SUMF1: variants seen among roughly 807,000 people sequenced by gnomAD.
SUMF1 encodes formylglycine-generating enzyme.
A neutral mutation model predicts 47.6 loss-of-function variants in SUMF1; 48 were observed. The observed-to-expected ratio is 1.01, with a 90% CI of 0.80 to 1.28. The LOEUF is 1.28. SUMF1 is among the 50% of genes most tolerant of loss of function. The pLI is 0.00. For missense variants in SUMF1, 571 were observed against 485.4 expected (o/e 1.18, Z -1.66); for synonymous variants, 230 against 192.1 (o/e 1.20, Z -1.63).
intron 8 of SUMF1, among the ~76,000 whole-genome samples, chr3:4,306,183 C>A (rs1411149191): frequency 6.6e-6 from 1 of 152,146 alleles, no homozygotes; most frequent in Non-Finnish European, 1.5e-5. Context: ...AAATCTGTTT[C>A]CAATCTTGAG....
intron 8 of SUMF1, among the ~76,000 whole-genome samples, chr3:4,192,071 T>C (rs1180881560): frequency 1.3e-5 from 2 of 152,068 alleles, no homozygotes; most frequent in East Asian, 1.9e-4. Context: ...GAATGGCATA[T>C]GTGAAAGGCA....
intron 8 of SUMF1, among the ~76,000 whole-genome samples, chr3:4,274,373 A>C (rs745611988): frequency 6.6e-6 from 1 of 152,160 alleles, no homozygotes; most frequent in Non-Finnish European, 1.5e-5. Flanking sequence ...TCTAAGCTCT[A>C]CTGAAAGCAT....
chr3:4,189,709 G>C (rs903351780), intron 8 of SUMF1, among the ~76,000 whole-genome samples: 2 of 31,614 alleles, frequency 6.3e-5, no homozygotes, highest in Non-Finnish European at 1.3e-4. Flanking sequence ...AAAGGAAGGA[G>C]AAGAAAACTA....
downstream of SUMF1, among the ~76,000 whole-genome samples, chr3:4,358,743 C>G (rs1699677451): frequency 6.6e-6 from 1 of 152,150 alleles, no homozygotes; most frequent in Non-Finnish European, 1.5e-5. Context: ...AAAGATGCTG[C>G]AAAGACACTG....
intron 8 of SUMF1, among the ~76,000 whole-genome samples, chr3:4,124,913 T>C (rs1219060877): frequency 2.0e-5 from 3 of 152,070 alleles, no homozygotes; most frequent in Admixed American, 6.5e-5. Flanking sequence ...GTGGTACATA[T>C]AAAAAATGCA....
At chr3:4,057,361 A>G (rs1350538149) in intron 9 of SUMF1, among the ~76,000 whole-genome samples, 6 of 151,500 alleles carry the variant, frequency 4.0e-5, no homozygotes, top group African/African-American at 1.2e-4. Flanking sequence ...TGAGTTGGGG[A>G]TGGGCAGTTT....
chr3:4,328,318 C>T (rs1219858222), intron 8 of SUMF1, among the ~76,000 whole-genome samples: 1 of 152,014 alleles, frequency 6.6e-6, no homozygotes, highest in African/African-American at 2.4e-5. Flanking sequence ...GACTCAGTTT[C>T]CCAAACAATA....
At chr3:4,261,850 G>C (rs1697094051) in intron 8 of SUMF1, among the ~76,000 whole-genome samples, 1 of 152,216 alleles carries the variant, frequency 6.6e-6, no homozygotes, top group African/African-American at 2.4e-5. Flanking sequence ...CTGATGTACG[G>C]AGTCAGGTGG....
In SUMF1 at chr3:4,325,414, G is replaced by A. The variant is rs192861291; in HGVS notation, c.1014+50916C>T. ...AGACCAAAAACAGAAAGAGAAAAGGGACCAAGGACAAATTGTAGCAGCAAA... is the reference window on the plus strand; with the variant it reads ...AGACCAAAAACAGAAAGAGAAAAGGAACCAAGGACAAATTGTAGCAGCAAA... On this transcript the variant is annotated intron_variant and NMD_transcript_variant, in intron 8 of 12. Transcript: ENST00000448413. Among the ~76,000 whole-genome samples the A allele has an allele frequency of 1.3e-4, 20 of 152,042 alleles. No homozygotes were observed. The East Asian group carries it at 3.5e-3, about 26-fold the overall frequency.
intron 8 of SUMF1, among the ~76,000 whole-genome samples, chr3:4,249,599 T>C (rs905592385): frequency 3.3e-5 from 5 of 152,142 alleles, no homozygotes; most frequent in Non-Finnish European, 5.9e-5. Context: ...CATTCCCTTC[T>C]TTACCCTCTC....
At chr3:4,442,075 A>G (rs1193209264) in intron 3 of SUMF1, among the ~76,000 whole-genome samples, 1 of 152,186 alleles carries the variant, frequency 6.6e-6, no homozygotes, top group Non-Finnish European at 1.5e-5. Context: ...GCAACAGGAA[A>G]TCAGACCTGT....
chr3:4,356,503 C>T (rs928189260), downstream of SUMF1, among the ~76,000 whole-genome samples: 1 of 152,108 alleles, frequency 6.6e-6, no homozygotes, highest in Non-Finnish European at 1.5e-5. Flanking sequence ...AAGCCACGAC[C>T]CTTTCTTACA....
intron 8 of SUMF1, among the ~76,000 whole-genome samples, chr3:4,203,760 G>GT (rs953974057): frequency 2.5e-4 from 37 of 150,722 alleles, no homozygotes; most frequent in Non-Finnish European, 3.6e-4. Flanking sequence ...TCTGTTGTAG[G>GT]TTTTTTTTAT....
At chr3:4,169,998 G>A (rs1345701812) in intron 8 of SUMF1, among the ~76,000 whole-genome samples, 1 of 152,156 alleles carries the variant, frequency 6.6e-6, no homozygotes, top group African/African-American at 2.4e-5. Flanking sequence ...CAAATGCCAA[G>A]CATTTAGATG....
At position 4,080,329 on chromosome 3, in the gene SUMF1, T is replaced by C. The variant is rs976177871; in HGVS notation, c.1015-11584A>G. Among the ~76,000 whole-genome samples, 15 of 152,168 alleles carry C rather than the reference T, an allele frequency of 9.9e-5. No homozygotes were observed. In the South Asian group the frequency reaches 2.9e-3, roughly 29 times the overall value. On this transcript the variant is annotated intron_variant and NMD_transcript_variant, in intron 8 of 12. Transcript: ENST00000448413. ...GGGTCTAATGGGCTATGACCCACAA[T>C]GGTCATATCAGCGGCATTCCACTTC...
At chr3:4,372,382 T>C (rs902942606) in intron 8 of SUMF1, among the ~76,000 whole-genome samples, 12 of 152,222 alleles carry the variant, frequency 7.9e-5, no homozygotes, top group Non-Finnish European at 1.3e-4. Flanking sequence ...AAGAAAATTT[T>C]TTAAAAAATG....
chr3:4,178,813 T>G lies in SUMF1; in HGVS notation c.1015-110068A>C, dbSNP rs529984630. 4.2e-3 allele frequency among the ~76,000 whole-genome samples: 640 copies of G among 152,244 alleles called. 6 individuals are homozygous for G. Among genetic ancestry groups the G allele is most frequent in the African/African-American group, 0.015 (607 of 41,540 alleles). On this transcript the variant is annotated intron_variant and NMD_transcript_variant, in intron 8 of 12. Coordinates refer to the SUMF1 transcript ENST00000448413. ...AACCCCACAGTCTCAGCCCAAAATC[T>G]CCTTAAGCTGATAAGCAACTTCAGC...
chr3:4,377,334 GAA>G (rs373650155), intron 7 of SUMF1, among the ~76,000 whole-genome samples: 1 of 144,328 alleles, frequency 6.9e-6, no homozygotes. Flanking sequence ...TTATCTTGAA[GAA>G]AAAAAAAAAG....
At chr3:4,118,697 T>A (rs1366625075) in intron 8 of SUMF1, among the ~76,000 whole-genome samples, 7 of 152,252 alleles carry the variant, frequency 4.6e-5, no homozygotes, top group African/African-American at 1.7e-4. Context: ...TTTCCAATAC[T>A]CATGCTACTT....
Sources: gnomAD v4.1 joint callset for allele counts (sites outside exome capture counted in the v4.1 genomes callset) on GRCh38, gnomAD v4.1.1 for gene constraint, MANE v1.5 for transcripts, NCBI Gene and HGNC (gene_info 2026-07-23, HGNC 2026-07-21) for gene names.